SAGE1: variants seen among roughly 807,000 people sequenced by gnomAD.
The protein encoded by SAGE1 is cancer/testis antigen 14.
In SAGE1, 55 loss-of-function variants were observed where a neutral mutation model predicts 55.4. The ratio of observed to expected loss-of-function variants is 0.99; its 90% CI spans 0.80 to 1.24. The LOEUF is 1.24. SAGE1 is among the 50% of genes most tolerant of loss of function. SAGE1 has a pLI of 0.00. For missense variants in SAGE1, 710 were observed against 704.4 expected (o/e 1.01, Z -0.09); for synonymous variants, 240 against 244.3 (o/e 0.98, Z 0.17).
At chrX:135,900,824 A>G (rs1379066277) in intron 2 of SAGE1, among the ~76,000 whole-genome samples, 1 of 111,051 alleles carries the variant, frequency 9.0e-6, no homozygotes, top group African/African-American at 3.3e-5. Context: ...ATAAAGTATT[A>G]ATGATTATTG....
intron 9 of SAGE1, 60 bp downstream of exon 9, chrX:135,907,513 T>A: frequency 9.2e-7 from 1 of 1,083,493 alleles, no homozygotes; most frequent in Admixed American, 2.4e-5. Flanking sequence ...CACAGTGTCA[T>A]AAAGGGAAGG....
At chrX:135,907,110 T>C in intron 8 of SAGE1, 44 bp downstream of exon 8, 1 of 1,160,948 alleles carries the variant, frequency 8.6e-7, no homozygotes, top group Non-Finnish European at 1.2e-6. Flanking sequence ...GGTTTCCATA[T>C]ACGTGCATAT....
chrX:135,907,526 G>A, intron 9 of SAGE1, 73 bp downstream of exon 9: 1 of 1,054,977 alleles, frequency 9.5e-7, no homozygotes, highest in Admixed American at 2.5e-5. Flanking sequence ...AGGGAAGGAG[G>A]TTGTTTTATT....
In SAGE1 at chrX:135,900,337, T is replaced by C. The variant is rs1287237828; in HGVS notation, c.88-1222T>C. Among the ~76,000 whole-genome samples, 5 of 112,006 alleles carry C rather than the reference T, an allele frequency of 4.5e-5. No individual in the cohort carries two copies. In the Admixed American group the frequency reaches 4.8e-4, roughly 11 times the overall value. Reference sequence around the variant, plus strand: ...CTGAAATGACCTTGCATCCCGGGGATGAAGCCAACTTGATCATGGGGAATA... The same window carrying C: ...CTGAAATGACCTTGCATCCCGGGGACGAAGCCAACTTGATCATGGGGAATA... On this transcript the variant is annotated intron_variant, in intron 2 of 19. Transcript: ENST00000370709.
chrX:135,899,323 G>T (rs1334220744), intron 2 of SAGE1, among the ~76,000 whole-genome samples: 9 of 111,533 alleles, frequency 8.1e-5, no homozygotes, highest in Non-Finnish European at 1.5e-4. Context: ...TCTTATTTCC[G>T]AGTTCTCTAT....
At position 135,907,787 on chromosome X, in the gene SAGE1, G is replaced by A. The variant is rs187385702; in HGVS notation, c.1105G>A (p.Gly369Arg). 179 of 1,208,493 alleles carry A rather than the reference G, an allele frequency of 1.5e-4. 1 individual carries two copies. The East Asian group carries it at 3.8e-3, about 26-fold the overall frequency. Residue 369 changes from glycine to arginine, a missense_variant, in exon 10 of 20, where the codon GGG (glycine) becomes AGG (arginine). Physicochemically the swap from Gly to Arg is moderately radical, Grantham distance 125. Coordinates refer to ENST00000370709, the MANE Select transcript of SAGE1 (RefSeq NM_001381902.1). ...TAACGCCTTGTCAACTGTTCTACCA[G>A]GGCTTGCTTATTTGGCAACAGCTGA... ...PSNALSTVLP[G>R]LAYLATADMP... is the part of the protein sequence containing the mutation.
Position 135,908,851 on chromosome X carries a change from CT to C in SAGE1, c.1442-10del. On this transcript the variant is annotated splice_polypyrimidine_tract_variant and intron_variant, in intron 12 of 19. Coordinates refer to ENST00000370709, the MANE Select transcript of SAGE1 (RefSeq NM_001381902.1). ...ACGTACCTCACAGCTTGACCTCTCC[CT>C]TTGGTTTCCAGATGCTACCATTACT... is the stretch of plus-strand genomic sequence containing the variant. 1.7e-6 allele frequency: 2 copies of C among 1,204,185 alleles called. No homozygotes were observed. Among genetic ancestry groups the C allele is most frequent in the Non-Finnish European group, 2.2e-6 (2 of 891,440 alleles).
intron 1 of SAGE1, among the ~76,000 whole-genome samples, chrX:135,895,111 T>G (rs1211576422): frequency 9.0e-6 from 1 of 111,175 alleles, no homozygotes; most frequent in African/African-American, 3.3e-5. Flanking sequence ...TTAGATACTG[T>G]TTTATGCCCT....
intron 3 of SAGE1, among the ~76,000 whole-genome samples, chrX:135,904,035 A>G (rs2088734793): frequency 8.9e-6 from 1 of 111,755 alleles, no homozygotes; most frequent in African/African-American, 3.3e-5. Context: ...GGAGGATGGG[A>G]CAAAACACAC....
At chrX:135,903,921 C>T (rs1156920218) in intron 3 of SAGE1, among the ~76,000 whole-genome samples, 2 of 112,173 alleles carry the variant, frequency 1.8e-5, no homozygotes, top group Admixed American at 9.4e-5. Context: ...ATTATCTGAC[C>T]TGATCTCTGT....
Position 135,905,333 on chromosome X carries a change from C to A in SAGE1, c.395C>A (p.Pro132Gln). The A allele has an allele frequency of 1.7e-6, 2 of 1,207,581 alleles. No individual in the cohort carries two copies. The highest frequency in any genetic ancestry group is 2.2e-6 in the Non-Finnish European group (2 of 892,707). Residue 132 changes from proline to glutamine, a missense_variant, in exon 5 of 20, where the codon CCA (proline) becomes CAA (glutamine). Transcript: ENST00000370709. ...ACTGACAAAGTCTTGTCAACTGCTC[C>A]ACCACAGCTTGTTCATATGGCTGCA... ...SRTDKVLSTAPPQLVHMAAAG... is the reference protein window; with the variant it reads ...SRTDKVLSTAQPQLVHMAAAG...
At chrX:135,906,270 T>C in intron 6 of SAGE1, 106 bp downstream of exon 6, 5 of 1,062,847 alleles carry the variant, frequency 4.7e-6, no homozygotes, top group Non-Finnish European at 6.4e-6. Context: ...CTGGCCTAAA[T>C]CTGAGGGGTC....
intron 18 of SAGE1, 70 bp from the exon 19 acceptor site, chrX:135,912,251 G>A (rs1196899207): frequency 7.8e-6 from 9 of 1,151,195 alleles, no homozygotes; most frequent in Non-Finnish European, 1.0e-5. Flanking sequence ...CTGTGGTAGT[G>A]GATGCACTAA....
chrX:135,898,985 C>T (rs1382214478), intron 2 of SAGE1, among the ~76,000 whole-genome samples: 3 of 112,167 alleles, frequency 2.7e-5, no homozygotes, highest in African/African-American at 6.5e-5. Flanking sequence ...TATGCATATG[C>T]TCTTTAGTTT....
At chrX:135,912,024 G>A (rs1243416467) in intron 18 of SAGE1, 71 bp downstream of exon 18, 2 of 1,164,816 alleles carry the variant, frequency 1.7e-6, no homozygotes, top group African/African-American at 1.8e-5. Context: ...GAACAGAATT[G>A]AGCTGCCTCT....
intron 2 of SAGE1, among the ~76,000 whole-genome samples, chrX:135,900,537 T>C (rs2088656438): frequency 9.0e-6 from 1 of 111,317 alleles, no homozygotes; most frequent in African/African-American, 3.3e-5. Flanking sequence ...TCCTTTTTAA[T>C]TTTTTGGAAT....
intron 16 of SAGE1, 56 bp from the exon 17 acceptor site, chrX:135,911,136 G>A: frequency 1.7e-6 from 2 of 1,164,033 alleles, no homozygotes; most frequent in East Asian, 3.0e-5. Flanking sequence ...GGATATCCCT[G>A]TGGGGTTGTC....
In SAGE1 at chrX:135,900,589, G is replaced by A. The variant is rs373677425; in HGVS notation, c.88-970G>A. On this transcript the variant is annotated intron_variant, in intron 2 of 19. Transcript: ENST00000370709. ...TTACCAGCTCTTCTTGGTACCTCTA[G>A]TAGGCAGGAACATATTCTTGGGTTA... Among the ~76,000 whole-genome samples the A allele has an allele frequency of 3.6e-5, 4 of 110,747 alleles. No homozygotes were observed. The East Asian group carries it at 8.5e-4, about 24-fold the overall frequency.
chrX:135,906,306 CT>C (rs1324215565), intron 6 of SAGE1, 104 bp from the exon 7 acceptor site: 1 of 1,092,109 alleles, frequency 9.2e-7, no homozygotes, highest in Non-Finnish European at 1.2e-6. Context: ...ATATATCCTA[CT>C]GCTTTATGAA....
Sources: gnomAD v4.1 joint callset for allele counts (sites outside exome capture counted in the v4.1 genomes callset) on GRCh38, gnomAD v4.1.1 for gene constraint, MANE v1.5 for transcripts, NCBI Gene and HGNC (gene_info 2026-07-23, HGNC 2026-07-21) for gene names.